The following HSPBAP1 variants were observed in gnomAD, a reference collection of about 807,000 sequenced individuals.
HSPBAP1 encodes HSPB1 associated protein 1, also known as HSPB1-associated protein 1.
Under a neutral mutation model 45.2 loss-of-function variants are expected in HSPBAP1, and 27 were observed. The ratio of observed to expected loss-of-function variants is 0.60; its 90% CI spans 0.44 to 0.82. The LOEUF (loss-of-function observed/expected upper bound fraction) is 0.82. HSPBAP1 is among the 40% of genes least tolerant of loss of function. The probability of loss-of-function intolerance (pLI) is 0.00; values close to 1 mark genes in which losing one functional copy is unlikely to be tolerated. For synonymous variants in HSPBAP1, 204 were observed against 202.7 expected (o/e 1.01, Z -0.06); for missense variants, 510 against 590.9 (o/e 0.86, Z 1.42).
intron 6 of HSPBAP1, among the ~76,000 whole-genome samples, chr3:122,750,606 ACT>A (rs1456914493): frequency 6.6e-6 from 1 of 152,172 alleles, no homozygotes. Context: ...GCCTAGAAAC[ACT>A]GACACCCAGG....
intron 1 of HSPBAP1, among the ~76,000 whole-genome samples, chr3:122,780,581 G>A (rs1299845298): frequency 7.0e-6 from 1 of 142,558 alleles, no homozygotes; most frequent in African/African-American, 2.8e-5. Context: ...ACTCCCGGAC[G>A]GGGCGGCTGG....
intron 1 of HSPBAP1, among the ~76,000 whole-genome samples, chr3:122,792,877 GAA>G (rs11362705): frequency 7.1e-4 from 102 of 142,916 alleles, no homozygotes; most frequent in Non-Finnish European, 8.1e-4. Context: ...CTCAAAAAAA[GAA>G]AAAAAAAAAA....
At chr3:122,758,821 C>G (rs1934448046) in intron 4 of HSPBAP1, 1 of 454,454 alleles carries the variant, frequency 2.2e-6, no homozygotes, top group African/African-American at 2.0e-5. Context: ...GGCTTGAGGT[C>G]CAGGAGCTAT....
In HSPBAP1 at chr3:122,741,094, C is replaced by T. The variant is rs757843762; in HGVS notation, c.845G>A (p.Arg282Gln). 28 of 1,613,630 alleles carry T rather than the reference C, an allele frequency of 1.7e-5. No homozygotes were observed. The highest frequency in any genetic ancestry group is 6.7e-5 in the East Asian group (3 of 44,898). Residue 282 changes from arginine (R) to glutamine (Q), a missense_variant, in exon 7 of 8, where the codon CGG becomes CAG. Physicochemically the swap from Arg to Gln is conservative, Grantham distance 43. Coordinates refer to ENST00000306103, the MANE Select transcript of HSPBAP1 (RefSeq NM_024610.6). Reference protein sequence around the residue: ...WIELEEDHLARVEEAITRMLV... With the variant: ...WIELEEDHLAQVEEAITRMLV... ...CATACGGGTGATTGCCTCTTCTACC[C>T]GGGCTAGGTGATCCTCTTCCTGAAT...
chr3:122,760,659 G>A (rs1200660105), intron 3 of HSPBAP1, among the ~76,000 whole-genome samples: 1 of 152,038 alleles, frequency 6.6e-6, no homozygotes, highest in African/African-American at 2.4e-5. Flanking sequence ...AAATGCACAT[G>A]GCTCACATGT....
chr3:122,746,654 CCCACGGTCTCCCTCTCCCTCTCTTT>C lies in HSPBAP1; in HGVS notation c.826-5566_826-5542del, dbSNP rs772968520. ...TCTCTCCTCTCCCCTCTCCCCTCTCCCCACGGTCTCCCTCTCCCTCTCTTTCCACGGTCTCCCTCTGATGCCGAGC... is the reference window on the plus strand; with the variant it reads ...TCTCTCCTCTCCCCTCTCCCCTCTCCCCACGGTCTCCCTCTGATGCCGAGC... On this transcript the variant is annotated intron_variant, in intron 6 of 7. Coordinates refer to ENST00000306103, the MANE Select transcript of HSPBAP1 (RefSeq NM_024610.6). Among the ~76,000 whole-genome samples, 753 of 152,002 alleles carry C rather than the reference CCCACGGTCTCCCTCTCCCTCTCTTT, an allele frequency of 5.0e-3. 1 individual carries two copies. Among genetic ancestry groups the C allele is most frequent in the Non-Finnish European group, 7.5e-3 (507 of 67,938 alleles).
Position 122,755,263 on chromosome 3 carries a change from T to C in HSPBAP1, c.738A>G (p.Gly246=). Residue 246 remains glycine (G), a synonymous_variant, in exon 5 of 8, where the codon GGA becomes GGG. Transcript: ENST00000306103. ...AQRHAVTLSP[G]QVLFVPRHWW... ...TAATGTTTTAAAGCCCTATTACCTG[T>C]CCTGGGCTCAGTGTAACCGCATGTC... 1.3e-6 allele frequency: 2 copies of C among 1,574,602 alleles called. No homozygotes were observed. Among genetic ancestry groups the C allele is most frequent in the Non-Finnish European group, 1.7e-6 (2 of 1,165,040 alleles).
chr3:122,781,698 C>T (rs1429372493), intron 1 of HSPBAP1, among the ~76,000 whole-genome samples: 1 of 152,114 alleles, frequency 6.6e-6, no homozygotes, highest in Non-Finnish European at 1.5e-5. Context: ...TGTTTAGCTC[C>T]CACTTATAAG....
chr3:122,760,634 G>T (rs1207178970), intron 3 of HSPBAP1, among the ~76,000 whole-genome samples: 4 of 151,948 alleles, frequency 2.6e-5, no homozygotes, highest in Non-Finnish European at 4.4e-5. Context: ...ATTTTTGCAA[G>T]GTCAGCACCA....
At chr3:122,759,011 C>T (rs11718653) in intron 4 of HSPBAP1, among the ~76,000 whole-genome samples, 3,225 of 152,024 alleles carry the variant, frequency 0.021, 57 homozygotes, top group Middle Eastern at 0.034. Flanking sequence ...ACAAGGCACG[C>T]ACCTGTAAAC....
At chr3:122,788,007 GA>G (rs1223947925) in intron 1 of HSPBAP1, among the ~76,000 whole-genome samples, 2 of 152,050 alleles carry the variant, frequency 1.3e-5, no homozygotes, top group East Asian at 1.9e-4. Context: ...GTCTATCACT[GA>G]AAAAAACCCA....
At chr3:122,788,418 G>C (rs977582370) in intron 1 of HSPBAP1, among the ~76,000 whole-genome samples, 1 of 152,004 alleles carries the variant, frequency 6.6e-6, no homozygotes, top group Non-Finnish European at 1.5e-5. Context: ...GTGAATTTTC[G>C]ATAATTTAAA....
At chr3:122,759,967 C>T (rs1163088700) in intron 3 of HSPBAP1, among the ~76,000 whole-genome samples, 1 of 152,216 alleles carries the variant, frequency 6.6e-6, no homozygotes, top group African/African-American at 2.4e-5. Flanking sequence ...CTCATACCTA[C>T]TAGATCAGTC....
At chr3:122,748,263 C>T (rs1456198401) in intron 6 of HSPBAP1, among the ~76,000 whole-genome samples, 1 of 152,132 alleles carries the variant, frequency 6.6e-6, no homozygotes, top group Non-Finnish European at 1.5e-5. Context: ...GCAGGGTCCT[C>T]TGCCTAGGAA....
At chr3:122,766,054 T>C (rs1934769761) in intron 3 of HSPBAP1, among the ~76,000 whole-genome samples, 1 of 152,202 alleles carries the variant, frequency 6.6e-6, no homozygotes, top group African/African-American at 2.4e-5. Flanking sequence ...TTGCAACAGC[T>C]TGAATGGAGA....
chr3:122,752,851 C>G, intron 5 of HSPBAP1, 177 bp from the exon 6 acceptor site: 2 of 1,369,996 alleles, frequency 1.5e-6, no homozygotes. Flanking sequence ...CCTTTTATTC[C>G]TTTTTTATTG....
chr3:122,746,253 A>C (rs1395002894), intron 6 of HSPBAP1, among the ~76,000 whole-genome samples: 2 of 151,388 alleles, frequency 1.3e-5, no homozygotes, highest in Non-Finnish European at 2.9e-5. Context: ...CAACATCATA[A>C]AGCTCAGATA....
At position 122,781,290 on chromosome 3, in the gene HSPBAP1, C is replaced by T. The variant is rs764773657; in HGVS notation, c.65-3384G>A. Among the ~76,000 whole-genome samples the T allele has an allele frequency of 4.6e-5, 7 of 152,318 alleles. No homozygotes were observed. The East Asian group carries it at 9.7e-4, about 21-fold the overall frequency. On this transcript the variant is annotated intron_variant, in intron 1 of 7. Coordinates refer to ENST00000306103, the MANE Select transcript of HSPBAP1 (RefSeq NM_024610.6). ...ATTGAGCACTGAGTGAACGAGACTC[C>T]GCCTGCAATCCCGGCACCTCGGGAG...
chr3:122,752,385 T>C (rs1422171078), intron 6 of HSPBAP1, among the ~76,000 whole-genome samples: 4 of 151,548 alleles, frequency 2.6e-5, no homozygotes, highest in African/African-American at 9.7e-5. Context: ...AGAAAGAGAG[T>C]GGCACACCAC....
Sources: allele counts gnomAD v4.1 joint callset (sites outside exome capture counted in the v4.1 genomes callset), GRCh38; gene constraint gnomAD v4.1.1; transcripts MANE v1.5; gene names NCBI Gene and HGNC (gene_info 2026-07-23, HGNC 2026-07-21).